Variants in DTX1 observed in about 807,000 individuals in gnomAD.
The protein encoded by DTX1 is E3 ubiquitin-protein ligase DTX1.
Under a neutral mutation model 57.8 loss-of-function variants are expected in DTX1, and 26 were observed. The observed-to-expected ratio is 0.45, with a 90% CI of 0.33 to 0.62. DTX1 has a LOEUF of 0.62. Ranked by LOEUF, DTX1 falls within the 20% of genes least tolerant of loss-of-function variation. DTX1 has a pLI of 0.02. For synonymous variants in DTX1, 398 were observed against 394.1 expected (o/e 1.01, Z -0.12); for missense variants, 704 against 895.3 (o/e 0.79, Z 2.73).
At position 113,093,574 on chromosome 12, in the gene DTX1, C is replaced by G. The variant is rs1213588586; in HGVS notation, c.1039C>G (p.Pro347Ala). Residue 347 changes from proline to alanine, a missense_variant, in exon 5 of 10, where the codon CCC becomes GCC. Transcript: ENST00000548759. The surrounding 1 kb of genome is among the most constrained non-coding windows in gnomAD (Gnocchi z 4.2). ...TGILLCAAGL[P>A]VCLTRAPKPI... Reference sequence around the variant, plus strand: ...GATACTGCTGTGCGCGGCCGGGCTGCCCGTGTGCCTGACGCGGGCCCCCAA... The same window carrying G: ...GATACTGCTGTGCGCGGCCGGGCTGGCCGTGTGCCTGACGCGGGCCCCCAA... 1 of 1,610,618 alleles carries G rather than the reference C, an allele frequency of 6.2e-7. No homozygotes were observed. The highest frequency in any genetic ancestry group is 8.5e-7 in the Non-Finnish European group (1 of 1,178,658).
In DTX1 at chr12:113,056,932, A is replaced by T. The variant is rs1592838224; in HGVS notation, c.-757A>T. On this transcript the variant is annotated 5_prime_UTR_variant, in exon 1 of 10. Transcript: ENST00000548759. ...GCGCGAGCCGGAGCCGGAGCCGGAG[A>T]CGAAGAGAGGCGGTGAGAACGCGGG... The T allele has an allele frequency of 6.6e-6, 1 of 152,644 alleles. No individual in the cohort carries two copies. The highest frequency in any genetic ancestry group is 1.5e-5 in the Non-Finnish European group (1 of 68,528). The allele number at this position is 152,644 out of a possible 1,614,324, so 9.5% of individuals were successfully genotyped here.
Position 113,095,550 on chromosome 12 carries a change from C to T in DTX1, c.1638+136C>T, listed in dbSNP as rs1004037413. On this transcript the variant is annotated intron_variant, in intron 9 of 9. Coordinates refer to ENST00000548759, the MANE Select transcript of DTX1 (RefSeq NM_004416.3). ...CCCAAAAGCAGCACCCGAACAGTAA[C>T]GACCACAGCCACCTCCTTCACACAT... The T allele has an allele frequency of 7.2e-5, 76 of 1,060,726 alleles. 1 individual carries two copies. Among genetic ancestry groups the T allele is most frequent in the Non-Finnish European group, 8.6e-5 (63 of 734,634 alleles). 65.7% of individuals were successfully genotyped at this position (1,060,726 alleles called of 1,614,324 possible). A position where few individuals can be genotyped will look rare whatever the true frequency, so the allele number is the denominator to read the frequency against.
At chr12:113,060,788 G>A (rs948079352) in intron 2 of DTX1, among the ~76,000 whole-genome samples, 1 of 152,180 alleles carries the variant, frequency 6.6e-6, no homozygotes, top group Non-Finnish European at 1.5e-5. Context: ...TTCTCCTAGG[G>A]GTAGAGGGCA....
Position 113,094,852 on chromosome 12 carries a change from A to C in DTX1, c.1291A>C (p.Lys431Gln). Residue 431 changes from lysine to glutamine, a missense_variant, in exon 7 of 10, where the codon AAG (lysine) becomes CAG (glutamine). Coordinates refer to ENST00000548759, the MANE Select transcript of DTX1 (RefSeq NM_004416.3). ...AGGCTACGAGGGCGTGCTTCGGCAC[A>C]AGGGCGTGCGGCCTGAGCTCGTGGG... ...ASGYEGVLRH[K>Q]GVRPELVGRL... 1.2e-6 allele frequency: 2 copies of C among 1,613,834 alleles called. No individual in the cohort carries two copies. The highest frequency in any genetic ancestry group is 1.1e-5 in the South Asian group (1 of 91,080).
chr12:113,094,785 G>C lies in DTX1; in HGVS notation c.1228-4G>C. Reference sequence around the variant, plus strand: ...TCCTCAGTCTCCCCTGCTGCCACCTGCAGGACTGCACCATCTGCATGGAGC... The same window carrying C: ...TCCTCAGTCTCCCCTGCTGCCACCTCCAGGACTGCACCATCTGCATGGAGC... On this transcript the variant is annotated splice_region_variant and splice_polypyrimidine_tract_variant and intron_variant, in intron 6 of 9. Transcript: ENST00000548759. The C allele has an allele frequency of 6.2e-7, 1 of 1,612,372 alleles. No individual in the cohort carries two copies. The highest frequency in any genetic ancestry group is 8.5e-7 in the Non-Finnish European group (1 of 1,179,038).
At chr12:113,091,353 T>C (rs1028628441) in intron 3 of DTX1, among the ~76,000 whole-genome samples, 1 of 152,096 alleles carries the variant, frequency 6.6e-6, no homozygotes, top group Non-Finnish European at 1.5e-5. Flanking sequence ...TGTGTATCCA[T>C]GTATATGTTC....
intron 2 of DTX1, among the ~76,000 whole-genome samples, chr12:113,061,354 C>T (rs1196474465): frequency 6.6e-6 from 1 of 152,236 alleles, no homozygotes; most frequent in Non-Finnish European, 1.5e-5. Flanking sequence ...GAGAGTGGGG[C>T]AAGAGGCCTC....
At chr12:113,070,505 G>C (rs146326583) in intron 2 of DTX1, among the ~76,000 whole-genome samples, 1 of 152,316 alleles carries the variant, frequency 6.6e-6, no homozygotes, top group Non-Finnish European at 1.5e-5. Flanking sequence ...GAGAGGAACC[G>C]TTTAGAGGCT....
intron 2 of DTX1, among the ~76,000 whole-genome samples, chr12:113,076,854 A>G (rs1341846758): frequency 2.6e-5 from 4 of 152,196 alleles, no homozygotes; most frequent in Non-Finnish European, 5.9e-5. Flanking sequence ...ATAATGAAGA[A>G]GAGGACTGCA....
chr12:113,091,309 A>G (rs1429730812), intron 3 of DTX1, among the ~76,000 whole-genome samples: 2 of 151,918 alleles, frequency 1.3e-5, no homozygotes, highest in African/African-American at 4.8e-5. Context: ...TAATCCATGT[A>G]TGTTTGTGGG....
intron 2 of DTX1, among the ~76,000 whole-genome samples, chr12:113,074,013 C>A (rs1448803082): frequency 6.6e-6 from 1 of 152,076 alleles, no homozygotes; most frequent in Non-Finnish European, 1.5e-5. Flanking sequence ...GGTGGATCAC[C>A]TGAGGTCAGG....
At chr12:113,084,534 C>T in intron 3 of DTX1, among the ~76,000 whole-genome samples, 1 of 152,126 alleles carries the variant, frequency 6.6e-6, no homozygotes, top group African/African-American at 2.4e-5. Context: ...TAAAGGTATG[C>T]ACCACCATGC....
rs777432523 is a variant in DTX1, at chr12:113,058,415, G to A, written c.223G>A (p.Asp75Asn). 4.4e-6 allele frequency: 7 copies of A among 1,606,156 alleles called. No individual in the cohort carries two copies. The highest frequency in any genetic ancestry group is 3.3e-5 in the Admixed American group (2 of 59,994). The change falls in exon 2 of 10, where the codon GAC (aspartate) becomes AAC (asparagine). Residue 75 changes from aspartate (D) to asparagine (N), a missense_variant. This residue lies in a region of DTX1 where 237 missense variants were observed against 328.6 expected (regional missense o/e 0.72). Transcript: ENST00000548759. ...CGCCCAGCTTGTGCCCTACATCATC[G>A]ACCTGCAGTCCATGCACCAGTTTCG... ...VDAQLVPYIIDLQSMHQFRQD... is the reference protein window; with the variant it reads ...VDAQLVPYIINLQSMHQFRQD...
intron 2 of DTX1, among the ~76,000 whole-genome samples, chr12:113,071,711 A>T (rs2044739239): frequency 6.6e-6 from 1 of 152,266 alleles, no homozygotes; most frequent in African/African-American, 2.4e-5. Context: ...CAGGCAGGTC[A>T]CCAAGGAACC....
At position 113,078,107 on chromosome 12, in the gene DTX1, T is replaced by G; in HGVS notation, c.941+2T>G. ...CGCGCGCGCCTCCATCCCGCCGGGG[T>G]AAGACGGGGCCCAGGGGGAGGGGGC... On this transcript the variant is annotated splice_donor_variant, in intron 3 of 9. Coordinates refer to ENST00000548759, the MANE Select transcript of DTX1 (RefSeq NM_004416.3). LOFTEE classifies it high-confidence loss of function. 2.2e-6 allele frequency: 3 copies of G among 1,367,350 alleles called. No homozygotes were observed. Among genetic ancestry groups the G allele is most frequent in the Admixed American group, 3.4e-5 (1 of 29,442 alleles). 84.7% of individuals were successfully genotyped at this position (1,367,350 alleles called of 1,614,324 possible). A position where few individuals can be genotyped will look rare whatever the true frequency, so the allele number is the denominator to read the frequency against.
chr12:113,075,431 C>G (rs887400166), intron 2 of DTX1, among the ~76,000 whole-genome samples: 1 of 152,210 alleles, frequency 6.6e-6, no homozygotes, highest in Non-Finnish European at 1.5e-5. Flanking sequence ...AAGGGACTTT[C>G]CCGCAGTTGA....
At chr12:113,062,663 C>A (rs76053890) in intron 2 of DTX1, among the ~76,000 whole-genome samples, 1 of 152,154 alleles carries the variant, frequency 6.6e-6, no homozygotes, top group Admixed American at 6.5e-5. Context: ...CGTGCGTGTG[C>A]GTACACACAC....
Position 113,069,841 on chromosome 12 carries a change from C to A in DTX1, c.260-7583C>A, listed in dbSNP as rs76733744. 9.6e-3 allele frequency among the ~76,000 whole-genome samples: 1,463 copies of A among 152,234 alleles called. 7 individuals are homozygous for A. The highest frequency in any genetic ancestry group is 0.013 in the Non-Finnish European group (877 of 68,010). On this transcript the variant is annotated intron_variant, in intron 2 of 9. Transcript: ENST00000548759. ...GAGCATTCGGTAAGGTGTTGGGTGC[C>A]GCTGTTGTCCTTGTTGTAGGAGACA... is the stretch of plus-strand genomic sequence containing the variant.
chr12:113,058,374 T>G lies in DTX1; in HGVS notation c.182T>G (p.Val61Gly), dbSNP rs1416209035. ...AAGGAGGACGCTCGCGGTTCCGTGG[T>G]CCTGGGGCAGGTGGACGCCCAGCTT... Reference protein sequence around the residue: ...VLKEDARGSVVLGQVDAQLVP... With the variant: ...VLKEDARGSVGLGQVDAQLVP... The change falls in exon 2 of 10, where the codon GTC becomes GGC. Residue 61 changes from valine to glycine, a missense_variant. Physicochemically the swap from Val to Gly is moderately radical, Grantham distance 109 (BLOSUM62 -3). This residue lies in a region of DTX1 where 237 missense variants were observed against 328.6 expected (regional missense o/e 0.72). Coordinates refer to ENST00000548759, the MANE Select transcript of DTX1 (RefSeq NM_004416.3). 1 of 1,611,346 alleles carries G rather than the reference T, an allele frequency of 6.2e-7. No individual in the cohort carries two copies. Among genetic ancestry groups the G allele is most frequent in the Non-Finnish European group, 8.5e-7 (1 of 1,179,998 alleles).
Sources: allele counts gnomAD v4.1 joint callset (sites outside exome capture counted in the v4.1 genomes callset), GRCh38; gene constraint gnomAD v4.1.1; regional missense constraint gnomAD v4.1.1; non-coding constraint Gnocchi (gnomAD v3.1); transcripts MANE v1.5; gene names NCBI Gene and HGNC (gene_info 2026-07-23, HGNC 2026-07-21).